Variants in APPL1 observed in about 807,000 individuals in gnomAD.
APPL1 encodes adaptor protein, phosphotyrosine interacting with PH domain and leucine zipper 1.
APPL1 carries 42 observed loss-of-function variants against 106.8 expected under a neutral mutation model. The ratio of observed to expected loss-of-function variants is 0.39; its 90% CI spans 0.31 to 0.51. The LOEUF is 0.51. Ranked by LOEUF, APPL1 falls within the 20% of genes least tolerant of loss-of-function variation. APPL1 has a pLI of 0.75. For missense variants in APPL1, 769 were observed against 858.2 expected (o/e 0.90, Z 1.30); for synonymous variants, 263 against 281.8 (o/e 0.93, Z 0.67).
At position 57,260,667 on chromosome 3, in the gene APPL1, G is replaced by A; in HGVS notation, c.1735G>A (p.Glu579Lys). 6.2e-7 allele frequency: 1 copy of A among 1,612,876 alleles called. No individual in the cohort carries two copies. Among genetic ancestry groups the A allele is most frequent in the Non-Finnish European group, 8.5e-7 (1 of 1,179,314 alleles). The part of the protein sequence containing the change: ...PCVVLYATHQ[E>K]NKRLFGFVLR... ...TGTAGTTTTGTATGCTACACACCAG[G>A]AAAATAAGCGCCTTTTTGGATTTGT... is the stretch of plus-strand genomic sequence containing the variant. Residue 579 changes from glutamate to lysine, a missense_variant, in exon 19 of 22, where the codon GAA (glutamate) becomes AAA (lysine). By Grantham distance (56) the Glu-to-Lys change is moderately conservative. Transcript: ENST00000288266.
At chr3:57,248,462 A>T in intron 10 of APPL1, 111 bp downstream of exon 10, 1 of 1,255,288 alleles carries the variant, frequency 8.0e-7, no homozygotes, top group South Asian at 1.6e-5. Flanking sequence ...AAAGGTTGAA[A>T]CTTTTTAGAG....
chr3:57,234,737 C>A (rs1341689153), intron 1 of APPL1, among the ~76,000 whole-genome samples: 1 of 151,758 alleles, frequency 6.6e-6, no homozygotes, highest in Non-Finnish European at 1.5e-5. Context: ...CTCACTGCAA[C>A]CTTCACCTCC....
intron 7 of APPL1, among the ~76,000 whole-genome samples, chr3:57,243,930 C>T (rs758175767): frequency 6.6e-6 from 1 of 152,108 alleles, no homozygotes; most frequent in African/African-American, 2.4e-5. Context: ...GGGGGAACAA[C>T]ATGAATAGGC....
In APPL1 at chr3:57,253,744, A is replaced by C. The variant is rs993225758; in HGVS notation, c.1152+6A>C. 72 of 1,413,730 alleles carry C rather than the reference A, an allele frequency of 5.1e-5. No homozygotes were observed. The highest frequency in any genetic ancestry group is 6.4e-5 in the Non-Finnish European group (69 of 1,073,020). The allele number at this position is 1,413,730 out of a possible 1,614,324, so 87.6% of individuals were successfully genotyped here. ...ACTTAAGTGAAAATCCAGAGGTAAT[A>C]TTTTTATTTTATGTTACCCAGATCT... On this transcript the variant is annotated splice_donor_region_variant and intron_variant, in intron 13 of 21. Coordinates refer to ENST00000288266, the MANE Select transcript of APPL1 (RefSeq NM_012096.3).
Position 57,254,425 on chromosome 3 carries a change from C to T in APPL1, c.1152+687C>T, listed in dbSNP as rs928970479. 3.3e-5 allele frequency among the ~76,000 whole-genome samples: 5 copies of T among 152,000 alleles called. No individual in the cohort carries two copies. The East Asian group carries it at 5.8e-4, about 18-fold the overall frequency. On this transcript the variant is annotated intron_variant, in intron 13 of 21. Coordinates refer to ENST00000288266, the MANE Select transcript of APPL1 (RefSeq NM_012096.3). ...ACAGGATGTAACTGAAAGCATATGG[C>T]GATGACTAAAGGCTTAGGTTTTGAG... is the stretch of plus-strand genomic sequence containing the variant.
chr3:57,253,361 A>AT (rs1433815672), intron 12 of APPL1, among the ~76,000 whole-genome samples: 5 of 152,104 alleles, frequency 3.3e-5, no homozygotes, highest in Admixed American at 6.5e-5. Context: ...TGATTGCTAT[A>AT]TTTTTTATTG....
chr3:57,248,802 A>C (rs533141387), intron 10 of APPL1, among the ~76,000 whole-genome samples: 1 of 152,036 alleles, frequency 6.6e-6, no homozygotes. Context: ...CATGGGAGGC[A>C]GAGGTTGTGG....
intron 19 of APPL1, among the ~76,000 whole-genome samples, chr3:57,263,531 T>G (rs1367255283): frequency 6.6e-6 from 1 of 152,120 alleles, no homozygotes; most frequent in Non-Finnish European, 1.5e-5. Context: ...TGTGCCTGGC[T>G]TATTTTGCTT....
At chr3:57,231,680 C>A (rs2060687680) in intron 1 of APPL1, among the ~76,000 whole-genome samples, 2 of 151,786 alleles carry the variant, frequency 1.3e-5, no homozygotes, top group Admixed American at 1.3e-4. Flanking sequence ...TGGTGGCATG[C>A]ACCTGTAGTC....
chr3:57,233,787 A>C (rs2060701631), intron 1 of APPL1, among the ~76,000 whole-genome samples: 1 of 152,114 alleles, frequency 6.6e-6, no homozygotes, highest in Non-Finnish European at 1.5e-5. Flanking sequence ...TAAGAAAAAA[A>C]AATTTTTGGC....
At position 57,257,419 on chromosome 3, in the gene APPL1, A is replaced by T. The variant is rs762004889; in HGVS notation, c.1421A>T (p.Gln474Leu). Reference sequence around the variant, plus strand: ...CCTGGCCAGGCAAAAGCCTTTGGCCAGGGAGGCAGGTGGGTGATAGCATCA... The same window carrying T: ...CCTGGCCAGGCAAAAGCCTTTGGCCTGGGAGGCAGGTGGGTGATAGCATCA... ...DQPGQAKAFG[Q>L]GGRRTNPFGE... Residue 474 changes from glutamine to leucine, a missense_variant, in exon 15 of 22, where the codon CAG becomes CTG. Gln to Leu is a moderately radical substitution (Grantham distance 113). Coordinates refer to ENST00000288266, the MANE Select transcript of APPL1 (RefSeq NM_012096.3). The T allele has an allele frequency of 6.2e-7, 1 of 1,611,280 alleles. No homozygotes were observed. The highest frequency in any genetic ancestry group is 2.2e-5 in the East Asian group (1 of 44,852).
Position 57,251,788 on chromosome 3 carries a change from T to A in APPL1, c.1053-481T>A, listed in dbSNP as rs145824040. 4.4e-3 allele frequency among the ~76,000 whole-genome samples: 665 copies of A among 152,284 alleles called. 4 individuals are homozygous for A. Among genetic ancestry groups the A allele is most frequent in the African/African-American group, 0.015 (626 of 41,556 alleles). ...GTGATGCAAAATTAATAAAAATTAT[T>A]ATTTTCTCAAACTCTAATATCTATA... is the stretch of plus-strand genomic sequence containing the variant. On this transcript the variant is annotated intron_variant, in intron 11 of 21. Transcript: ENST00000288266.
chr3:57,262,261 C>T (rs940939759), intron 19 of APPL1, among the ~76,000 whole-genome samples: 1 of 151,316 alleles, frequency 6.6e-6, no homozygotes, highest in African/African-American at 2.4e-5. Context: ...GTTTAAGTCC[C>T]ATTTGTTTAT....
In APPL1 at chr3:57,259,087, CAG is replaced by C; in HGVS notation, c.1483+9_1483+10del. 1 of 1,607,514 alleles carries C rather than the reference CAG, an allele frequency of 6.2e-7. No individual in the cohort carries two copies. Among genetic ancestry groups the C allele is most frequent in the Non-Finnish European group, 8.5e-7 (1 of 1,175,602 alleles). ...ACAAAATCTGAAACTGAAGGTAAGA[CAG>C]ATGTGCAGCATTCATATATTTTAGA... On this transcript the variant is annotated splice_region_variant and intron_variant, in intron 16 of 21. Transcript: ENST00000288266.
At chr3:57,260,286 G>T in intron 18 of APPL1, 133 bp downstream of exon 18, 1 of 992,238 alleles carries the variant, frequency 1.0e-6, no homozygotes, top group Non-Finnish European at 1.5e-6. Flanking sequence ...GGCTGTTGTA[G>T]TTAAGTCTAT....
Position 57,260,680 on chromosome 3 carries a change from T to G in APPL1, c.1748T>G (p.Leu583Arg). ...LYATHQENKR[L>R]FGFVLRTSSG... is the part of the protein sequence containing the mutation. ...GCTACACACCAGGAAAATAAGCGCCTTTTTGGATTTGTTCTTCGGACATCA... is the reference window on the plus strand; with the variant it reads ...GCTACACACCAGGAAAATAAGCGCCGTTTTGGATTTGTTCTTCGGACATCA... Residue 583 changes from leucine to arginine, a missense_variant, in exon 19 of 22, where the codon CTT (leucine) becomes CGT (arginine). Coordinates refer to ENST00000288266, the MANE Select transcript of APPL1 (RefSeq NM_012096.3). 6.2e-7 allele frequency: 1 copy of G among 1,613,032 alleles called. No individual in the cohort carries two copies. Among genetic ancestry groups the G allele is most frequent in the Non-Finnish European group, 8.5e-7 (1 of 1,179,352 alleles).
chr3:57,241,341 G>A (rs140858124), intron 5 of APPL1, among the ~76,000 whole-genome samples: 90 of 152,152 alleles, frequency 5.9e-4, no homozygotes, highest in Non-Finnish European at 9.7e-4. Flanking sequence ...CAACCTAGTC[G>A]TTTCTGGGTT....
At position 57,247,445 on chromosome 3, in the gene APPL1, A is replaced by T. The variant is rs778340753; in HGVS notation, c.672A>T (p.Glu224Asp). ...AAAATCTTAATGAACAACTGGAAGAATTTTTAGCTAATATTGGAACAAGCG... is the reference window on the plus strand; with the variant it reads ...AAAATCTTAATGAACAACTGGAAGATTTTTTAGCTAATATTGGAACAAGCG... ...GSENLNEQLE[E>D]FLANIGTSVQ... is the part of the protein sequence containing the mutation. Residue 224 changes from glutamate (E) to aspartate (D), a missense_variant, in exon 9 of 22, where the codon GAA becomes GAT. Coordinates refer to ENST00000288266, the MANE Select transcript of APPL1 (RefSeq NM_012096.3). The T allele has an allele frequency of 9.3e-6, 15 of 1,610,822 alleles. No homozygotes were observed. The highest frequency in any genetic ancestry group is 1.3e-5 in the African/African-American group (1 of 74,826).
In APPL1 at chr3:57,269,769, A is replaced by AT; in HGVS notation, c.*83dup. On this transcript the variant is annotated 3_prime_UTR_variant, in exon 22 of 22. Transcript: ENST00000288266. The stretch of plus-strand genomic sequence containing the variant: ...GGCAGAAGGTAACAACTATGTTGAA[A>AT]TATCAAGGAGGAGATTAAGCTTTAT... 6.8e-7 allele frequency: 1 copy of AT among 1,461,960 alleles called. No individual in the cohort carries two copies. Among genetic ancestry groups the AT allele is most frequent in the African/African-American group, 1.4e-5 (1 of 71,782 alleles). 90.6% of individuals were successfully genotyped at this position (1,461,960 alleles called of 1,614,324 possible). A position where few individuals can be genotyped will look rare whatever the true frequency, so the allele number is the denominator to read the frequency against.
Sources: allele counts gnomAD v4.1 joint callset (sites outside exome capture counted in the v4.1 genomes callset), GRCh38; gene constraint gnomAD v4.1.1; transcripts MANE v1.5; gene names NCBI Gene and HGNC (gene_info 2026-07-23, HGNC 2026-07-21).